CIB4: variants seen among roughly 807,000 people sequenced by gnomAD.
CIB4 encodes the protein calcium and integrin binding family member 4.
Under a neutral mutation model 25.8 loss-of-function variants are expected in CIB4, and 25 were observed. The ratio of observed to expected loss-of-function variants is 0.97; its 90% CI spans 0.71 to 1.35. The LOEUF (loss-of-function observed/expected upper bound fraction) is 1.35, where lower values mean the gene tolerates loss of function less well. CIB4 is among the 40% of genes most tolerant of loss of function. The pLI is 0.00. For missense variants in CIB4, 235 were observed against 228.2 expected (o/e 1.03, Z -0.19); for synonymous variants, 75 against 81.4 (o/e 0.92, Z 0.42).
chr2:26,596,944 G>T (rs867779668), intron 3 of CIB4, among the ~76,000 whole-genome samples: 1 of 152,158 alleles, frequency 6.6e-6, no homozygotes, highest in African/African-American at 2.4e-5. Context: ...ACCTTTCCAT[G>T]ATGACAAGTA....
chr2:26,603,285 GAC>G (rs1668827807), intron 3 of CIB4, among the ~76,000 whole-genome samples: 1 of 152,168 alleles, frequency 6.6e-6, no homozygotes, highest in African/African-American at 2.4e-5. Context: ...AGGGGATCCT[GAC>G]ACAGATCAAA....
chr2:26,614,386 C>G (rs1731239), intron 3 of CIB4, among the ~76,000 whole-genome samples: 101,386 of 152,106 alleles, frequency 0.67, 33,946 homozygotes, highest in Admixed American at 0.73. Context: ...CCTCATCTGC[C>G]TGTCCCTTGG....
At chr2:26,603,269 C>T (rs1331278121) in intron 3 of CIB4, among the ~76,000 whole-genome samples, 1 of 152,094 alleles carries the variant, frequency 6.6e-6, no homozygotes, top group South Asian at 2.1e-4. Flanking sequence ...GAAGGTGGGA[C>T]CCTGGAGGGG....
intron 2 of CIB4, among the ~76,000 whole-genome samples, chr2:26,635,417 C>A (rs1354549458): frequency 2.0e-5 from 3 of 152,228 alleles, no homozygotes; most frequent in Non-Finnish European, 4.4e-5. Context: ...AGCCTCCCTG[C>A]AAAGGTTACT....
intron 4 of CIB4, among the ~76,000 whole-genome samples, chr2:26,586,348 C>A (rs1368302458): frequency 2.0e-5 from 3 of 152,224 alleles, no homozygotes; most frequent in Non-Finnish European, 4.4e-5. Flanking sequence ...ACACTCTCAC[C>A]CAGAGATCCT....
intron 3 of CIB4, among the ~76,000 whole-genome samples, chr2:26,599,566 G>T (rs960555360): frequency 2.6e-5 from 4 of 151,798 alleles, no homozygotes; most frequent in African/African-American, 9.7e-5. Context: ...ACAAAAATAC[G>T]CTAGTGACTC....
At chr2:26,602,287 T>A (rs1668807154) in intron 3 of CIB4, among the ~76,000 whole-genome samples, 1 of 152,138 alleles carries the variant, frequency 6.6e-6, no homozygotes, top group South Asian at 2.1e-4. Flanking sequence ...AGGTACGTAG[T>A]CTAAAGACCA....
chr2:26,582,050 C>T lies in CIB4; in HGVS notation c.528-657G>A, dbSNP rs150168007. ...GTGAGCGTGGAGGGGCGATGGGAGG[C>T]AGAGACGTTGGCACAGAGGGACCCA... On this transcript the variant is annotated intron_variant, in intron 6 of 6. Coordinates refer to ENST00000288861, the MANE Select transcript of CIB4 (RefSeq NM_001029881.3). 7.1e-3 allele frequency among the ~76,000 whole-genome samples: 1,078 copies of T among 152,324 alleles called. 11 individuals are homozygous for T. Among genetic ancestry groups the T allele is most frequent in the African/African-American group, 0.025 (1,025 of 41,580 alleles).
At chr2:26,611,876 G>A (rs1451380741) in intron 3 of CIB4, among the ~76,000 whole-genome samples, 2 of 152,120 alleles carry the variant, frequency 1.3e-5, no homozygotes, top group Non-Finnish European at 1.5e-5. Flanking sequence ...GAATAAAATT[G>A]TATCTATGTA....
rs1031651046 is a variant in CIB4, at chr2:26,621,158, G to C, written c.186+8252C>G. ...TTTCCAGACTGAGTGGGTCCTCCGC[G>C]TGCCTCACACACAGGGGAAAGGACT... On this transcript the variant is annotated intron_variant, in intron 3 of 6. Transcript: ENST00000288861. 2.7e-5 allele frequency among the ~76,000 whole-genome samples: 4 copies of C among 150,896 alleles called. No homozygotes were observed. In the South Asian group the frequency reaches 8.4e-4, roughly 32 times the overall value.
chr2:26,591,425 G>C lies in CIB4; in HGVS notation c.328+3751C>G, dbSNP rs140079853. On this transcript the variant is annotated intron_variant, in intron 4 of 6. Coordinates refer to ENST00000288861, the MANE Select transcript of CIB4 (RefSeq NM_001029881.3). ...AGGAGAAGGAAAGCCCACAGAGAGA[G>C]GCAGAGATGAGAGACGAGGCAGCCA... 1.9e-3 allele frequency among the ~76,000 whole-genome samples: 290 copies of C among 152,284 alleles called. 2 individuals carry two copies. Among genetic ancestry groups the C allele is most frequent in the African/African-American group, 6.5e-3 (272 of 41,558 alleles).
chr2:26,581,462 C>T (rs1054449996), intron 6 of CIB4, 69 bp from the exon 7 acceptor site: 2 of 1,504,166 alleles, frequency 1.3e-6, no homozygotes, highest in African/African-American at 1.4e-5. Flanking sequence ...CCTGGGTTCA[C>T]AGTAGTCCTG....
At chr2:26,625,508 A>T (rs1202819499) in intron 3 of CIB4, among the ~76,000 whole-genome samples, 2 of 152,112 alleles carry the variant, frequency 1.3e-5, no homozygotes, top group Non-Finnish European at 2.9e-5. Flanking sequence ...ATGTGCCACC[A>T]TGCCCGGCTA....
chr2:26,628,806 C>A (rs1176579092), intron 3 of CIB4, among the ~76,000 whole-genome samples: 1 of 152,078 alleles, frequency 6.6e-6, no homozygotes, highest in Non-Finnish European at 1.5e-5. Flanking sequence ...ATTGAGGCAG[C>A]CTGAGGAGAA....
In CIB4 at chr2:26,582,918, C is replaced by T. The variant is rs372638135; in HGVS notation, c.439-5G>A. On this transcript the variant is annotated splice_polypyrimidine_tract_variant and splice_region_variant and intron_variant, in intron 5 of 6. Coordinates refer to ENST00000288861, the MANE Select transcript of CIB4 (RefSeq NM_001029881.3). Reference sequence around the variant, plus strand: ...CAGATCCGACTCACTCAGGACCTGGCGAGGGAGCACAGAAGACAGTTGAGT... The same window carrying T: ...CAGATCCGACTCACTCAGGACCTGGTGAGGGAGCACAGAAGACAGTTGAGT... The T allele has an allele frequency of 2.2e-5, 35 of 1,606,334 alleles. No individual in the cohort carries two copies. The highest frequency in any genetic ancestry group is 1.1e-4 in the South Asian group (10 of 90,722).
At chr2:26,586,701 G>A (rs1266218104) in intron 4 of CIB4, among the ~76,000 whole-genome samples, 3 of 152,200 alleles carry the variant, frequency 2.0e-5, no homozygotes, top group South Asian at 2.1e-4. Flanking sequence ...CTCACTTAAT[G>A]GGAAGTCTAT....
chr2:26,609,690 C>T (rs1268305277), intron 3 of CIB4, among the ~76,000 whole-genome samples: 1 of 152,036 alleles, frequency 6.6e-6, no homozygotes, highest in Non-Finnish European at 1.5e-5. Context: ...TTTTTCAGGG[C>T]GGGAAGGTCC....
intron 3 of CIB4, among the ~76,000 whole-genome samples, chr2:26,610,144 T>G (rs1357333738): frequency 3.3e-5 from 5 of 152,212 alleles, no homozygotes. Context: ...TCAGATGGTG[T>G]CAGGGCTGCT....
Position 26,583,788 on chromosome 2 carries a change from C to T in CIB4, c.438+1G>A, listed in dbSNP as rs760449146. The stretch of plus-strand genomic sequence containing the variant: ...ACCAACTCCCAGCCCCCAGCACACA[C>T]GTGGTTCGTGAGGTCCATCAGGAGG... On this transcript the variant is annotated splice_donor_variant, in intron 5 of 6. Coordinates refer to ENST00000288861, the MANE Select transcript of CIB4 (RefSeq NM_001029881.3). LOFTEE classifies it high-confidence loss of function. 1.3e-5 allele frequency: 21 copies of T among 1,596,160 alleles called. No homozygotes were observed. The highest frequency in any genetic ancestry group is 4.5e-5 in the East Asian group (2 of 44,802).
Sources: allele counts gnomAD v4.1 joint callset (sites outside exome capture counted in the v4.1 genomes callset), GRCh38; gene constraint gnomAD v4.1.1; transcripts MANE v1.5; gene names NCBI Gene and HGNC (gene_info 2026-07-23, HGNC 2026-07-21).